Variants in LPA observed in about 807,000 individuals in gnomAD.
The protein encoded by LPA is lipoprotein(a).
Under a neutral mutation model 197.9 loss-of-function variants are expected in LPA, and 199 were observed. The observed-to-expected ratio is 1.01, with a 90% CI of 0.90 to 1.13. LPA has a LOEUF of 1.13. LPA is among the 50% of genes most tolerant of loss of function. The pLI is 0.00. For synonymous variants in LPA, 715 were observed against 639.5 expected (o/e 1.12, Z -1.78); for missense variants, 1,853 against 1,785.8 (o/e 1.04, Z -0.68).
intron 28 of LPA, among the ~76,000 whole-genome samples, chr6:160,562,397 C>T (rs999112925): frequency 1.3e-5 from 2 of 152,196 alleles, no homozygotes; most frequent in Non-Finnish European, 2.9e-5. Flanking sequence ...TTGAACCAGC[C>T]TTGCATCCCA....
chr6:160,564,946 G>A (rs552142461), intron 28 of LPA, among the ~76,000 whole-genome samples: 8 of 152,244 alleles, frequency 5.3e-5, no homozygotes, highest in South Asian at 2.1e-4. Flanking sequence ...GTCTGAGACC[G>A]AACTGCAAGG....
intron 18 of LPA, among the ~76,000 whole-genome samples, chr6:160,602,179 A>G (rs1779257302): frequency 6.6e-6 from 1 of 152,174 alleles, no homozygotes; most frequent in Admixed American, 6.5e-5. Context: ...TGGTTCAATG[A>G]GCAACTGGAT....
rs538209184 is a variant in LPA, at chr6:160,606,634, C to A, written c.2628G>T (p.Arg876Ser). 2.4e-5 allele frequency: 38 copies of A among 1,614,014 alleles called. 1 individual carries two copies. In the South Asian group the frequency reaches 4.0e-4, roughly 17 times the overall value. Residue 876 changes from arginine to serine, a missense_variant, in exon 17 of 39, where the codon AGG becomes AGT. By Grantham distance (110) the Arg-to-Ser change is moderately radical (BLOSUM62 -1). Transcript: ENST00000316300. ...AAGGGGCTGCCACAGGATCTGGATTCCTGCAGTAGTTCATGATCAAGCCAC... is the reference window on the plus strand; with the variant it reads ...AAGGGGCTGCCACAGGATCTGGATTACTGCAGTAGTTCATGATCAAGCCAC... ...PNAGLIMNYC[R>S]NPDPVAAPYC...
chr6:160,589,690 T>G lies in LPA; in HGVS notation c.3810A>C (p.Thr1270=), dbSNP rs758455084. ...SEQAPTEQSP[T]VQDCYHGDGQ... ...CATCACCATGGTAGCAGTCCTGGAC[T>G]GTGGGGCTTTGCTCCGTTGGTGCTG... is the stretch of plus-strand genomic sequence containing the variant. The change falls in exon 24 of 39, where the codon ACA becomes ACC. Residue 1270 remains threonine, a synonymous_variant. Transcript: ENST00000316300. 7.4e-6 allele frequency: 12 copies of G among 1,613,870 alleles called. No individual in the cohort carries two copies. Among genetic ancestry groups the G allele is most frequent in the Non-Finnish European group, 1.0e-5 (12 of 1,179,814 alleles).
chr6:160,575,719 T>G (rs929290530), intron 28 of LPA, among the ~76,000 whole-genome samples: 1 of 152,218 alleles, frequency 6.6e-6, no homozygotes, highest in African/African-American at 2.4e-5. Flanking sequence ...CCCCAGTGCT[T>G]TGTGAGCTCT....
chr6:160,653,238 A>T (rs1488506956), intron 1 of LPA, among the ~76,000 whole-genome samples: 1 of 152,196 alleles, frequency 6.6e-6, no homozygotes, highest in Non-Finnish European at 1.5e-5. Context: ...CTAACAATCC[A>T]AATACACATG....
chr6:160,540,278 G>A (rs533272150), intron 35 of LPA, 95 bp from the exon 36 acceptor site: 392 of 1,435,020 alleles, frequency 2.7e-4, no homozygotes, highest in Non-Finnish European at 3.2e-4. Flanking sequence ...TGACACCCTC[G>A]GCCACCCAGA....
intron 26 of LPA, among the ~76,000 whole-genome samples, chr6:160,583,231 T>C (rs974688690): frequency 1.3e-5 from 2 of 151,504 alleles, no homozygotes; most frequent in Admixed American, 6.6e-5. Context: ...GCTTTTTGTA[T>C]GTTTAGCAAA....
chr6:160,549,348 C>T (rs41264334), intron 30 of LPA, among the ~76,000 whole-genome samples: 2 of 152,264 alleles, frequency 1.3e-5, no homozygotes, highest in African/African-American at 2.4e-5. Context: ...CTCCTTCTAC[C>T]TTCTGCCAAG....
At chr6:160,568,079 C>A (rs886393600) in intron 28 of LPA, among the ~76,000 whole-genome samples, 4 of 152,138 alleles carry the variant, frequency 2.6e-5, no homozygotes, top group Non-Finnish European at 4.4e-5. Context: ...GAGCTGGTAC[C>A]AATTCTTCTG....
At chr6:160,582,579 G>A (rs575746722) in intron 26 of LPA, among the ~76,000 whole-genome samples, 5 of 152,148 alleles carry the variant, frequency 3.3e-5, no homozygotes, top group African/African-American at 1.2e-4. Context: ...CTATGTAAAG[G>A]TATGTTTTTT....
At chr6:160,586,312 G>T (rs1778908404) in intron 25 of LPA, 137 bp downstream of exon 25, 2 of 1,006,098 alleles carry the variant, frequency 2.0e-6, no homozygotes, top group Admixed American at 2.0e-5. Context: ...AGGCACTGAA[G>T]CTTCCTTCCC....
At chr6:160,540,497 G>T (rs942449131) in intron 35 of LPA, among the ~76,000 whole-genome samples, 10 of 152,174 alleles carry the variant, frequency 6.6e-5, no homozygotes, top group African/African-American at 2.4e-4. Flanking sequence ...CTCTTGAATG[G>T]CTTGGGCCAC....
intron 28 of LPA, among the ~76,000 whole-genome samples, chr6:160,558,142 A>C (rs1456431815): frequency 6.6e-6 from 1 of 151,946 alleles, no homozygotes; most frequent in Non-Finnish European, 1.5e-5. Context: ...GATGGTCTCA[A>C]TCTCCTGACC....
intron 23 of LPA, 136 bp from the exon 24 acceptor site, chr6:160,589,848 G>T: frequency 2.1e-6 from 2 of 958,444 alleles, no homozygotes; most frequent in South Asian, 2.8e-5. Flanking sequence ...TAGGCAGATG[G>T]ACATGCCAAT....
At chr6:160,569,608 C>A (rs945035270) in intron 28 of LPA, among the ~76,000 whole-genome samples, 1 of 152,126 alleles carries the variant, frequency 6.6e-6, no homozygotes, top group Admixed American at 6.5e-5. Context: ...AAAGCAATAG[C>A]AACAAAAGCC....
At position 160,540,199 on chromosome 6, in the gene LPA, A is replaced by C; in HGVS notation, c.5595-16T>G. The stretch of plus-strand genomic sequence containing the variant: ...CCTTGAGGACCTAGAAAAGATGAGG[A>C]TGTCAAGAGAAAAATATGGTCCAGC... On this transcript the variant is annotated splice_polypyrimidine_tract_variant and intron_variant, in intron 35 of 38. Coordinates refer to ENST00000316300, the MANE Select transcript of LPA (RefSeq NM_005577.4). 6.2e-7 allele frequency: 1 copy of C among 1,614,124 alleles called. No homozygotes were observed. The highest frequency in any genetic ancestry group is 8.5e-7 in the Non-Finnish European group (1 of 1,180,026).
chr6:160,548,914 A>T (rs1778124560), intron 30 of LPA, among the ~76,000 whole-genome samples: 2 of 152,234 alleles, frequency 1.3e-5, no homozygotes, highest in Admixed American at 6.5e-5. Context: ...TCACATTGCT[A>T]TGAGGAAATA....
At chr6:160,567,988 T>C (rs1778490150) in intron 28 of LPA, among the ~76,000 whole-genome samples, 1 of 152,154 alleles carries the variant, frequency 6.6e-6, no homozygotes, top group Admixed American at 6.5e-5. Flanking sequence ...GGCTCTGAAA[T>C]TGAGGCAATA....
Sources: gnomAD v4.1 joint callset for allele counts (sites outside exome capture counted in the v4.1 genomes callset) on GRCh38, gnomAD v4.1.1 for gene constraint, MANE v1.5 for transcripts, NCBI Gene and HGNC (gene_info 2026-07-23, HGNC 2026-07-21) for gene names.